The following ABR variants were observed in gnomAD, a reference collection of about 807,000 sequenced individuals.
The protein encoded by ABR is active breakpoint cluster region-related protein.
Under a neutral mutation model 107.2 loss-of-function variants are expected in ABR, and 35 were observed. The ratio of observed to expected loss-of-function variants is 0.33; its 90% CI spans 0.25 to 0.43. The LOEUF is 0.43. Ranked by LOEUF, ABR falls within the 20% of genes least tolerant of loss-of-function variation. The probability of loss-of-function intolerance (pLI) is 1.00; values close to 1 mark genes in which losing one functional copy is unlikely to be tolerated. For missense variants in ABR, 815 were observed against 1,115.2 expected, an observed-to-expected ratio of 0.73 and a Z score of 3.83; for synonymous variants, 498 against 462.0, an observed-to-expected ratio of 1.08 and a Z score of -1.00.
At chr17:1,091,069 T>C (rs1433906932) in intron 4 of ABR, among the ~76,000 whole-genome samples, 1 of 152,148 alleles carries the variant, frequency 6.6e-6, no homozygotes, top group Non-Finnish European at 1.5e-5. Flanking sequence ...CCTGCAGTGG[T>C]GAGCAGGGCT....
At chr17:1,023,040 T>A (rs113483047) in intron 16 of ABR, among the ~76,000 whole-genome samples, 1,754 of 138,530 alleles carry the variant, frequency 0.013, 125 homozygotes, top group African/African-American at 0.051. Context: ...CTGCAGAGCC[T>A]CTGCCTGCCC....
intron 3 of ABR, among the ~76,000 whole-genome samples, chr17:1,095,054 C>A (rs191165715): frequency 3.4e-4 from 52 of 152,162 alleles, no homozygotes; most frequent in Non-Finnish European, 7.6e-4. Context: ...CACGGAGGAG[C>A]CCGCAGAGTC....
intron 2 of ABR, among the ~76,000 whole-genome samples, chr17:1,102,175 C>T (rs986386816): frequency 1.3e-5 from 2 of 152,178 alleles, no homozygotes; most frequent in African/African-American, 4.8e-5. Flanking sequence ...ATCGCTCAGT[C>T]TCCCCCACAC....
chr17:1,079,223 T>A lies in ABR; in HGVS notation c.700+107A>T, dbSNP rs554291347. ...CACACACGCTCACGCTCACACGCGC[T>A]CACACACACGCACACACAAGGGGAA... On this transcript the variant is annotated intron_variant, in intron 6 of 22. Coordinates refer to ENST00000302538, the MANE Select transcript of ABR (RefSeq NM_021962.5). 2.0e-3 allele frequency: 3,099 copies of A among 1,517,108 alleles called. 57 individuals are homozygous for A. In the East Asian group the frequency reaches 0.051, roughly 25 times the overall value. The allele number at this position is 1,517,108 out of a possible 1,614,324, so 94.0% of individuals were successfully genotyped here.
Position 1,010,446 on chromosome 17 carries a change from TGCTCGA to T in ABR, c.2236+277_2236+282del. 2.2e-6 allele frequency: 1 copy of T among 454,908 alleles called. No homozygotes were observed. Among genetic ancestry groups the T allele is most frequent in the Non-Finnish European group, 4.0e-6 (1 of 248,172 alleles). 28.2% of individuals were successfully genotyped at this position (454,908 alleles called of 1,614,324 possible). A position where few individuals can be genotyped will look rare whatever the true frequency, so the allele number is the denominator to read the frequency against. The stretch of plus-strand genomic sequence containing the variant: ...TCACCTCAGGGCAGTCTTCCCTGGA[TGCTCGA>T]GCTTCCAAGCAAGAGGCCAACGTCC... On this transcript the variant is annotated intron_variant, in intron 20 of 22. Coordinates refer to ENST00000302538, the MANE Select transcript of ABR (RefSeq NM_021962.5). The surrounding 1 kb of genome is among the most constrained non-coding windows in gnomAD (Gnocchi z 4.1).
At chr17:1,057,272 A>G (rs2033387456) in intron 12 of ABR, among the ~76,000 whole-genome samples, 170 bp from the exon 13 acceptor site, 1 of 146,782 alleles carries the variant, frequency 6.8e-6, no homozygotes. Context: ...AGATGCTGCG[A>G]GAGGGGTCAG....
intron 16 of ABR, among the ~76,000 whole-genome samples, chr17:1,029,339 G>A (rs1034023169): frequency 5.9e-5 from 9 of 152,210 alleles, no homozygotes; most frequent in South Asian, 2.1e-4. Context: ...AGGATCCTCC[G>A]TGAGTGTCCC....
At chr17:1,074,374 G>T (rs529216123) in intron 6 of ABR, among the ~76,000 whole-genome samples, 156 of 148,302 alleles carry the variant, frequency 1.1e-3, no homozygotes, top group South Asian at 5.6e-3. Flanking sequence ...ACCCAGCCAC[G>T]CCCCGCAGAG....
rs138670213 is a variant in ABR at position 1,021,543 on chromosome 17, C to T, written c.1792-8379G>A. Among the ~76,000 whole-genome samples the T allele has an allele frequency of 1.4e-3, 208 of 151,992 alleles. 1 individual carries two copies. Among genetic ancestry groups the T allele is most frequent in the African/African-American group, 4.2e-3 (174 of 41,456 alleles). On this transcript the variant is annotated intron_variant, in intron 16 of 22. Transcript: ENST00000302538. The stretch of plus-strand genomic sequence containing the variant: ...TTCTTCAGCCAGGTGCGGTGGCTCA[C>T]GCCTGTCATCCCAGCACTTTGGGAG...
intron 1 of ABR, among the ~76,000 whole-genome samples, chr17:1,141,764 CT>C (rs11330072): frequency 2.4e-4 from 35 of 146,204 alleles, no homozygotes; most frequent in Admixed American, 2.0e-4. Flanking sequence ...GACTTAAATT[CT>C]TTTTTTTTTT....
intron 1 of ABR, among the ~76,000 whole-genome samples, chr17:1,152,663 C>T (rs1326716341): frequency 4.6e-5 from 7 of 152,006 alleles, no homozygotes; most frequent in Non-Finnish European, 1.0e-4. Flanking sequence ...ACACCTGGAA[C>T]ACAGACTTTT....
At chr17:1,190,967 G>C (rs1025028484), upstream of ABR, among the ~76,000 whole-genome samples, 22 of 152,192 alleles carry the variant, frequency 1.4e-4, no homozygotes, top group Admixed American at 5.9e-4. Context: ...GGGCTGGCCT[G>C]AGCGAGTCTG....
In ABR at chr17:1,092,693, T is replaced by C. The variant is rs1197023554; in HGVS notation, c.346-843A>G. Among the ~76,000 whole-genome samples, 1 of 107,710 alleles carries C rather than the reference T, an allele frequency of 9.3e-6. No individual in the cohort carries two copies. The highest frequency in any genetic ancestry group is 4.4e-4 in the South Asian group (1 of 2,276). 70.7% of individuals were successfully genotyped at this position (107,710 alleles called of 152,430 possible). A position where few individuals can be genotyped will look rare whatever the true frequency, so the allele number is the denominator to read the frequency against. On this transcript the variant is annotated intron_variant, in intron 3 of 22. Transcript: ENST00000302538. The surrounding 1 kb of genome is among the most constrained non-coding windows in gnomAD (Gnocchi z 4.6). ...ATAAATCACCTACAATGAATGAATA[T>C]GAATAATCAGAAAAAAAAAAACCAA...
chr17:1,076,961 T>C (rs1363387128), intron 6 of ABR, among the ~76,000 whole-genome samples: 2 of 152,244 alleles, frequency 1.3e-5, no homozygotes, highest in African/African-American at 4.8e-5. Context: ...GGCAGCAAGC[T>C]GGTCTCTCTC....
intron 1 of ABR, among the ~76,000 whole-genome samples, chr17:1,138,210 T>A (rs1158579420): frequency 6.6e-6 from 1 of 151,868 alleles, no homozygotes; most frequent in Non-Finnish European, 1.5e-5. Flanking sequence ...AGCTCTCAAC[T>A]ACTTTTGCAC....
At position 1,135,739 on chromosome 17, in the gene ABR, G is replaced by C. The variant is rs188158668; in HGVS notation, c.62-10372C>G. Among the ~76,000 whole-genome samples, 197 of 152,274 alleles carry C rather than the reference G, an allele frequency of 1.3e-3. 4 individuals carry two copies. Among genetic ancestry groups the C allele is most frequent in the Non-Finnish European group, 7.4e-5 (5 of 68,024 alleles). On this transcript the variant is annotated intron_variant, in intron 1 of 22. Coordinates refer to ENST00000302538, the MANE Select transcript of ABR (RefSeq NM_021962.5). ...AAAAATACAAAAATCAGCTGGGCTT[G>C]GTGGCAGGTGCCTGTAATCCCAGCT... is the stretch of plus-strand genomic sequence containing the variant.
Position 1,048,584 on chromosome 17 carries a change from ACGTCCGGGGC to A in ABR, c.1791+1456_1791+1465del, listed in dbSNP as rs2031996127. Among the ~76,000 whole-genome samples the A allele has an allele frequency of 7.2e-3, 974 of 135,776 alleles. 8 individuals carry two copies. Among genetic ancestry groups the A allele is most frequent in the African/African-American group, 0.023 (910 of 39,954 alleles). 89.1% of individuals were successfully genotyped at this position (135,776 alleles called of 152,430 possible). A position where few individuals can be genotyped will look rare whatever the true frequency, so the allele number is the denominator to read the frequency against. ...CTCGGCGCCCAGCTGCGCCTGGATC[ACGTCCGGGGC>A]CACGGTCAAGAAGCTCGGCGCCCAG... On this transcript the variant is annotated intron_variant, in intron 16 of 22. Transcript: ENST00000302538.
At chr17:1,098,730 C>G (rs548749810) in intron 3 of ABR, among the ~76,000 whole-genome samples, 1 of 152,348 alleles carries the variant, frequency 6.6e-6, no homozygotes, top group Admixed American at 6.5e-5. Context: ...ACTTGGAAAA[C>G]AGCTCCGTAC....
intron 1 of ABR, among the ~76,000 whole-genome samples, chr17:1,168,254 T>G (rs945294142): frequency 2.6e-5 from 4 of 152,010 alleles, no homozygotes; most frequent in African/African-American, 9.7e-5. Context: ...TTGTGGAGAT[T>G]GCACCATTGC....
Sources: allele counts gnomAD v4.1 joint callset (sites outside exome capture counted in the v4.1 genomes callset), GRCh38; gene constraint gnomAD v4.1.1; non-coding constraint Gnocchi (gnomAD v3.1); transcripts MANE v1.5; gene names NCBI Gene and HGNC (gene_info 2026-07-23, HGNC 2026-07-21).